Variants in ZEB1 observed in about 807,000 individuals in gnomAD.
ZEB1 encodes the protein zinc finger E-box binding homeobox 1.
A neutral mutation model predicts 84.9 loss-of-function variants in ZEB1; 21 were observed. That is an observed-to-expected ratio of 0.25 (90% CI 0.18 to 0.36). The LOEUF (loss-of-function observed/expected upper bound fraction) is 0.36, where lower values mean the gene tolerates loss of function less well. Among genes scored for constraint, ZEB1 ranks in the 10% least tolerant of loss-of-function variants. The pLI is 1.00. For synonymous variants in ZEB1, 420 were observed against 471.1 expected, an observed-to-expected ratio of 0.89 and a Z score of 1.41; for missense variants, 1,104 against 1,330.2, an observed-to-expected ratio of 0.83 and a Z score of 2.65.
chr10:31,461,359 A>G (rs2061793734), intron 2 of ZEB1, 122 bp downstream of exon 2: 2 of 1,030,228 alleles, frequency 1.9e-6, no homozygotes, highest in African/African-American at 1.6e-5. Context: ...CTATCAATAA[A>G]TATTAGGTGT....
At chr10:31,440,019 G>A (rs1006886265) in intron 1 of ZEB1, among the ~76,000 whole-genome samples, 5 of 152,186 alleles carry the variant, frequency 3.3e-5, no homozygotes, top group Non-Finnish European at 7.4e-5. Flanking sequence ...GACAGTACTC[G>A]AAGTGAGAGA....
At chr10:31,394,251 A>G (rs530853722) in intron 1 of ZEB1, among the ~76,000 whole-genome samples, 104 of 152,306 alleles carry the variant, frequency 6.8e-4, no homozygotes, top group African/African-American at 2.4e-3. Flanking sequence ...AACAAAACAC[A>G]TTCAAGATAA....
intron 1 of ZEB1, among the ~76,000 whole-genome samples, chr10:31,342,336 G>T (rs1365524666): frequency 6.6e-6 from 1 of 152,144 alleles, no homozygotes; most frequent in Non-Finnish European, 1.5e-5. Context: ...CAGGATTAGG[G>T]AGCTGATGGA....
intron 1 of ZEB1, among the ~76,000 whole-genome samples, chr10:31,406,575 G>T (rs965627305): frequency 6.6e-6 from 1 of 151,160 alleles, no homozygotes; most frequent in Non-Finnish European, 1.5e-5. Flanking sequence ...TAAGTTCCTT[G>T]TAGATTCTGG....
At chr10:31,452,742 T>TGTGTGTGTGTGA (rs1387786622) in intron 1 of ZEB1, among the ~76,000 whole-genome samples, 23 of 90,804 alleles carry the variant, frequency 2.5e-4, no homozygotes, top group African/African-American at 8.7e-4. Flanking sequence ...TGTGTGTGTG[T>TGTGTGTGTGTGA]GAGAGAGAGA....
intron 4 of ZEB1, among the ~76,000 whole-genome samples, chr10:31,507,126 T>C (rs1466320062): frequency 6.6e-6 from 1 of 152,194 alleles, no homozygotes; most frequent in Non-Finnish European, 1.5e-5. Context: ...TGGCAGGGTT[T>C]TTTTCTTTCA....
intron 1 of ZEB1, among the ~76,000 whole-genome samples, chr10:31,415,507 T>G (rs1046299141): frequency 6.6e-6 from 1 of 151,934 alleles, no homozygotes; most frequent in African/African-American, 2.4e-5. Context: ...TAAAAGATTC[T>G]TCTATACTTT....
intron 1 of ZEB1, among the ~76,000 whole-genome samples, chr10:31,453,227 T>A (rs1459751752): frequency 1.3e-5 from 2 of 152,050 alleles, no homozygotes; most frequent in African/African-American, 4.8e-5. Context: ...CCAAAATAGG[T>A]AAAAATGTGG....
intron 1 of ZEB1, among the ~76,000 whole-genome samples, chr10:31,435,406 A>G (rs1256713246): frequency 6.6e-6 from 1 of 152,260 alleles, no homozygotes; most frequent in African/African-American, 2.4e-5. Context: ...TTACATCAAC[A>G]ATAGAAAACT....
chr10:31,479,051 A>G (rs2138371952), intron 2 of ZEB1, among the ~76,000 whole-genome samples: 1 of 151,916 alleles, frequency 6.6e-6, no homozygotes, highest in African/African-American at 2.4e-5. Context: ...ATTTATAAGG[A>G]AAAGGGTACA....
intron 1 of ZEB1, among the ~76,000 whole-genome samples, chr10:31,428,501 A>G (rs1229073602): frequency 6.6e-6 from 1 of 152,184 alleles, no homozygotes; most frequent in Non-Finnish European, 1.5e-5. Flanking sequence ...TTAGAGAGAA[A>G]GTGCCATGTG....
intron 2 of ZEB1, among the ~76,000 whole-genome samples, chr10:31,472,488 C>G (rs1345978224): frequency 6.6e-6 from 1 of 151,718 alleles, no homozygotes; most frequent in Non-Finnish European, 1.5e-5. Flanking sequence ...GACACATACA[C>G]TCTCCCAAGA....
At chr10:31,322,164 A>G (rs1048148492) in intron 1 of ZEB1, 7 of 152,878 alleles carry the variant, frequency 4.6e-5, no homozygotes, top group African/African-American at 1.7e-4. Flanking sequence ...ATTGCTGGTG[A>G]TTATAGCCAT....
chr10:31,344,502 C>A (rs553724541), intron 1 of ZEB1, among the ~76,000 whole-genome samples: 6 of 152,190 alleles, frequency 3.9e-5, no homozygotes, highest in African/African-American at 1.4e-4. Context: ...TTCTGATAAT[C>A]TGTTAGAAAA....
chr10:31,490,662 CT>C (rs1276090893), intron 2 of ZEB1, among the ~76,000 whole-genome samples: 1 of 151,618 alleles, frequency 6.6e-6, no homozygotes, highest in African/African-American at 2.4e-5. Flanking sequence ...ATTCTAACAT[CT>C]TTTTTTCCCA....
At chr10:31,392,743 G>GT (rs1171236745) in intron 1 of ZEB1, among the ~76,000 whole-genome samples, 12 of 151,810 alleles carry the variant, frequency 7.9e-5, no homozygotes, top group Non-Finnish European at 1.8e-4. Flanking sequence ...TCTGAAAGGA[G>GT]TAGAAAACAA....
At chr10:31,398,243 C>T (rs771740884) in intron 1 of ZEB1, among the ~76,000 whole-genome samples, 1 of 152,076 alleles carries the variant, frequency 6.6e-6, no homozygotes, top group Non-Finnish European at 1.5e-5. Flanking sequence ...AAGGGCAGCT[C>T]TTAAAAATTA....
chr10:31,421,545 CT>C (rs1258627706), intron 1 of ZEB1, among the ~76,000 whole-genome samples: 7 of 152,030 alleles, frequency 4.6e-5, no homozygotes, highest in Non-Finnish European at 7.4e-5. Context: ...GAGCAGTTCT[CT>C]TTTCTCTTTC....
At position 31,446,900 on chromosome 10, in the gene ZEB1, G is replaced by T. The variant is rs537777773; in HGVS notation, c.59-14137G>T. Among the ~76,000 whole-genome samples, 33 of 152,282 alleles carry T rather than the reference G, an allele frequency of 2.2e-4. No homozygotes were observed. In the South Asian group the frequency reaches 5.4e-3, roughly 25 times the overall value. On this transcript the variant is annotated intron_variant, in intron 1 of 8. Transcript: ENST00000424869. ...AAAATGTATATTCTTTTGATTTGGG[G>T]TGGAGAGTTCTGTAGATGTCTATTA...
Sources: gnomAD v4.1 joint callset for allele counts (sites outside exome capture counted in the v4.1 genomes callset) on GRCh38, gnomAD v4.1.1 for gene constraint, MANE v1.5 for transcripts, NCBI Gene and HGNC (gene_info 2026-07-23, HGNC 2026-07-21) for gene names.